Variants in MED16 observed in about 807,000 individuals in gnomAD.
The protein encoded by MED16 is mediator complex subunit 16, also known as mediator of RNA polymerase II transcription subunit 16.
Under a neutral mutation model 84.4 loss-of-function variants are expected in MED16, and 81 were observed. That is an observed-to-expected ratio of 0.96 (90% confidence interval 0.80 to 1.15). The LOEUF (loss-of-function observed/expected upper bound fraction) is 1.15. MED16 is among the 50% of genes most tolerant of loss of function. The pLI, the probability that MED16 is intolerant of heterozygous loss-of-function variation, is 0.00. For synonymous variants in MED16, 897 were observed against 552.2 expected, an observed-to-expected ratio of 1.62 and a Z score of -8.76; for missense variants, 1,585 against 1,245.9, an observed-to-expected ratio of 1.27 and a Z score of -4.10.
At position 876,092 on chromosome 19, in the gene MED16, G is replaced by A. The variant is rs535988900; in HGVS notation, c.1561-638C>T. Reference sequence around the variant, plus strand: ...GCTGGGGTTTAGCCTCGCAGCCCCCGCCTGGGTCTCACGCGTTTCTCGGCA... The same window carrying A: ...GCTGGGGTTTAGCCTCGCAGCCCCCACCTGGGTCTCACGCGTTTCTCGGCA... On this transcript the variant is annotated intron_variant, in intron 9 of 15. Coordinates refer to ENST00000325464, the MANE Select transcript of MED16 (RefSeq NM_005481.3). Among the ~76,000 whole-genome samples, 423 of 152,290 alleles carry A rather than the reference G, an allele frequency of 2.8e-3. 2 individuals carry two copies. The highest frequency in any genetic ancestry group is 4.4e-3 in the Non-Finnish European group (301 of 68,010).
Position 890,235 on chromosome 19 carries a change from C to A in MED16, c.179G>T (p.Arg60Leu), listed in dbSNP as rs909348905. 8.4e-6 allele frequency: 13 copies of A among 1,548,084 alleles called. No homozygotes were observed. The highest frequency in any genetic ancestry group is 2.0e-5 in the Admixed American group (1 of 50,234). Reference sequence around the variant, plus strand: ...CTCCGTGTCCAGGATGTGGATCATGCGGGTCAGGTCTGTGGGGACGGGGCA... The same window carrying A: ...CTCCGTGTCCAGGATGTGGATCATGAGGGTCAGGTCTGTGGGGACGGGGCA... The part of the protein sequence containing the change: ...DLRSDDQDLT[R>L]MIHILDTEHP... Residue 60 changes from arginine (R) to leucine (L), a missense_variant, in exon 3 of 16, where the codon CGC becomes CTC. Physicochemically the swap from Arg to Leu is moderately radical, Grantham distance 102. Coordinates refer to ENST00000325464, the MANE Select transcript of MED16 (RefSeq NM_005481.3).
At chr19:869,180 G>A (rs2035988495) in intron 13 of MED16, among the ~76,000 whole-genome samples, 1 of 152,168 alleles carries the variant, frequency 6.6e-6, no homozygotes, top group Non-Finnish European at 1.5e-5. Flanking sequence ...GGTGCCTGGG[G>A]AGCTTGAGGC....
intron 10 of MED16, among the ~76,000 whole-genome samples, chr19:874,355 G>C (rs1481161862): frequency 6.6e-6 from 1 of 152,156 alleles, no homozygotes; most frequent in Non-Finnish European, 1.5e-5. Context: ...CTCGTGATCA[G>C]CCCGCGTTGG....
intron 2 of MED16, chr19:890,556 G>T: frequency 2.7e-6 from 1 of 373,378 alleles, no homozygotes; most frequent in Non-Finnish European, 4.8e-6. Context: ...AATTTTCTGT[G>T]GTTTTCTAGT....
chr19:891,941 C>G (rs1397647853), intron 1 of MED16, among the ~76,000 whole-genome samples: 1 of 134,774 alleles, frequency 7.4e-6, no homozygotes, highest in Non-Finnish European at 1.6e-5. Flanking sequence ...TGGGGAACAC[C>G]TGTGGCCGAG....
At position 892,872 on chromosome 19, in the gene MED16, TGA is replaced by T. The variant is rs2036666437; in HGVS notation, c.-19+212_-19+213del. 3 of 103,072 alleles carry T rather than the reference TGA, an allele frequency of 2.9e-5. No homozygotes were observed. In the East Asian group the frequency reaches 8.5e-4, roughly 29 times the overall value. 6.4% of individuals were successfully genotyped at this position (103,072 alleles called of 1,614,324 possible). On this transcript the variant is annotated intron_variant, in intron 1 of 15. Coordinates refer to ENST00000325464, the MANE Select transcript of MED16 (RefSeq NM_005481.3). Reference sequence around the variant, plus strand: ...TCCCCCAGGTTTCCGCCGCAAACCCTGAGCCCCGAGCCCCGCGCCCCGCGCCC... The same window carrying T: ...TCCCCCAGGTTTCCGCCGCAAACCCTGCCCCGAGCCCCGCGCCCCGCGCCC...
At chr19:869,364 T>G (rs1369709232) in intron 13 of MED16, among the ~76,000 whole-genome samples, 1 of 138,032 alleles carries the variant, frequency 7.2e-6, no homozygotes, top group Non-Finnish European at 1.5e-5. Flanking sequence ...GGCCTGGAGG[T>G]GCCGGGACCT....
chr19:879,431 C>T (rs1468266138), intron 8 of MED16, among the ~76,000 whole-genome samples: 1 of 140,474 alleles, frequency 7.1e-6, no homozygotes. Flanking sequence ...CCACCAACCC[C>T]AGCCCCACGT....
intron 5 of MED16, 120 bp downstream of exon 5, chr19:885,650 G>T: frequency 8.2e-7 from 1 of 1,221,792 alleles, no homozygotes; most frequent in Non-Finnish European, 1.1e-6. Context: ...GGAGGGACCG[G>T]CCCTGCCCAC....
At chr19:883,195 G>A (rs1168868570) in intron 6 of MED16, among the ~76,000 whole-genome samples, 2 of 152,210 alleles carry the variant, frequency 1.3e-5, no homozygotes, top group Non-Finnish European at 2.9e-5. Context: ...GGGATGTGGG[G>A]CAGTGGGTGA....
intron 15 of MED16, 52 bp downstream of exon 15, chr19:868,353 TAGCTGAGGGGC>T (rs768502918): frequency 3.1e-6 from 5 of 1,592,180 alleles, no homozygotes; most frequent in Non-Finnish European, 4.3e-6. Flanking sequence ...AGCTGAGGAG[TAGCTGAGGGGC>T]AGCTGGGCTC....
intron 11 of MED16, among the ~76,000 whole-genome samples, chr19:872,652 C>T (rs1374150528): frequency 1.3e-5 from 1 of 75,684 alleles, no homozygotes; most frequent in Non-Finnish European, 2.8e-5. Context: ...AGTGTACCGG[C>T]GGGGGGGTGG....
At chr19:871,702 C>G (rs765879903) in intron 12 of MED16, 62 of 1,310,224 alleles carry the variant, frequency 4.7e-5, no homozygotes, top group Non-Finnish European at 6.3e-5. Context: ...CCACTGCCAC[C>G]TGCAGGGGCT....
At chr19:891,941 C>T (rs1397647853) in intron 1 of MED16, among the ~76,000 whole-genome samples, 1 of 134,774 alleles carries the variant, frequency 7.4e-6, no homozygotes, top group Admixed American at 7.3e-5. Flanking sequence ...TGGGGAACAC[C>T]TGTGGCCGAG....
chr19:868,800 G>A, intron 14 of MED16, 63 bp downstream of exon 14: 1 of 1,498,790 alleles, frequency 6.7e-7, no homozygotes, highest in Non-Finnish European at 9.0e-7. Flanking sequence ...GTGGGGGCTA[G>A]AATCAGCTGA....
chr19:881,537 G>A, intron 7 of MED16, 22 bp downstream of exon 7: 1 of 1,598,038 alleles, frequency 6.3e-7, no homozygotes, highest in Non-Finnish European at 8.5e-7. Flanking sequence ...GCCCCGCGTG[G>A]CTGCCGCTGG....
At position 884,029 on chromosome 19, in the gene MED16, G is replaced by A. The variant is rs1599338611; in HGVS notation, c.985+874C>T. On this transcript the variant is annotated intron_variant, in intron 6 of 15. Coordinates refer to ENST00000325464, the MANE Select transcript of MED16 (RefSeq NM_005481.3). ...TGGGCAGTTGACATAACCACCTGCA[G>A]GCCCCGGGAGCCATCGGGGCCTCTT... is the stretch of plus-strand genomic sequence containing the variant. 2.0e-5 allele frequency among the ~76,000 whole-genome samples: 3 copies of A among 152,140 alleles called. No individual in the cohort carries two copies. In the South Asian group the frequency reaches 6.2e-4, roughly 32 times the overall value.
chr19:870,289 G>T (rs535178550), intron 13 of MED16, among the ~76,000 whole-genome samples: 2 of 152,136 alleles, frequency 1.3e-5, no homozygotes, highest in African/African-American at 4.8e-5. Flanking sequence ...AGGCCGGGGC[G>T]GTGGCTCACA....
At chr19:887,640 C>G (rs1009153422) in intron 4 of MED16, among the ~76,000 whole-genome samples, 1 of 151,594 alleles carries the variant, frequency 6.6e-6, no homozygotes, top group Admixed American at 6.6e-5. Flanking sequence ...CACTCCAGCC[C>G]GGTTGACAGA....
Sources: gnomAD v4.1 joint callset for allele counts (sites outside exome capture counted in the v4.1 genomes callset) on GRCh38, gnomAD v4.1.1 for gene constraint, MANE v1.5 for transcripts, NCBI Gene and HGNC (gene_info 2026-07-23, HGNC 2026-07-21) for gene names.